Variants in BPIFB1 observed in about 807,000 individuals in gnomAD.
BPIFB1 encodes the protein BPI fold-containing family B member 1.
A neutral mutation model predicts 55.1 loss-of-function variants in BPIFB1; 34 were observed. The observed-to-expected ratio is 0.62, with a 90% CI of 0.47 to 0.82. The LOEUF (loss-of-function observed/expected upper bound fraction) is 0.82. BPIFB1 is among the 40% of genes least tolerant of loss of function. The probability of loss-of-function intolerance (pLI) is 0.00; values close to 1 mark genes in which losing one functional copy is unlikely to be tolerated. For synonymous variants in BPIFB1, 236 were observed against 245.3 expected (o/e 0.96, Z 0.35); for missense variants, 532 against 593.1 (o/e 0.90, Z 1.07).
intron 3 of BPIFB1, among the ~76,000 whole-genome samples, 173 bp from the exon 4 acceptor site, chr20:33,289,712 G>A (rs1424738476): frequency 2.0e-5 from 3 of 152,206 alleles, no homozygotes; most frequent in Non-Finnish European, 4.4e-5. Context: ...AGCATTGTGA[G>A]CAGGAGTGGA....
chr20:33,286,887 C>G (rs1309115276), intron 2 of BPIFB1, among the ~76,000 whole-genome samples: 4 of 152,198 alleles, frequency 2.6e-5, no homozygotes, highest in Non-Finnish European at 4.4e-5. Flanking sequence ...AAAATCATCT[C>G]AGTGGAGAAC....
At chr20:33,290,864 G>C in intron 4 of BPIFB1, 93 bp from the exon 5 acceptor site, 1 of 1,374,376 alleles carries the variant, frequency 7.3e-7, no homozygotes, top group South Asian at 1.3e-5. Flanking sequence ...GACTGAGGAA[G>C]GAGGTGAGGG....
chr20:33,287,965 C>G (rs1002059676), intron 2 of BPIFB1, among the ~76,000 whole-genome samples: 2 of 152,170 alleles, frequency 1.3e-5, no homozygotes, highest in African/African-American at 4.8e-5. Context: ...ATTCACTGGG[C>G]CCAGTTCCAT....
At chr20:33,290,833 TGAG>T (rs1980442105) in intron 4 of BPIFB1, 121 bp from the exon 5 acceptor site, 1 of 1,066,900 alleles carries the variant, frequency 9.4e-7, no homozygotes, top group Admixed American at 2.4e-5. Flanking sequence ...TGGGTGAAGA[TGAG>T]GAGAAACCAG....
intron 4 of BPIFB1, 44 bp from the exon 5 acceptor site, chr20:33,290,913 G>C: frequency 6.2e-7 from 1 of 1,601,230 alleles, no homozygotes; most frequent in Non-Finnish European, 8.5e-7. Flanking sequence ...GCTCCAGCCC[G>C]AGCTTGCCTG....
chr20:33,296,346 G>A (rs1405962385), intron 6 of BPIFB1, among the ~76,000 whole-genome samples: 2 of 152,206 alleles, frequency 1.3e-5, no homozygotes, highest in African/African-American at 4.8e-5. Context: ...AATGCAGCCA[G>A]GAGCAGGGAA....
At chr20:33,292,967 G>C (rs1222101881) in intron 6 of BPIFB1, among the ~76,000 whole-genome samples, 1 of 152,232 alleles carries the variant, frequency 6.6e-6, no homozygotes, top group African/African-American at 2.4e-5. Flanking sequence ...TGTCGCCTAG[G>C]CGGGAGTGCA....
In BPIFB1 at chr20:33,302,915, G is replaced by A. The variant is rs1433168271; in HGVS notation, c.982-1G>A. On this transcript the variant is annotated splice_acceptor_variant, in intron 10 of 15. Coordinates refer to ENST00000253354, the MANE Select transcript of BPIFB1 (RefSeq NM_033197.3). LOFTEE classifies it high-confidence loss of function. The stretch of plus-strand genomic sequence containing the variant: ...CACATGTGGGTCTGATCTCCTTCCA[G>A]GCTGCAGATAAGCTGGGATCTACCC... 1 of 1,613,924 alleles carries A rather than the reference G, an allele frequency of 6.2e-7. No individual in the cohort carries two copies. The highest frequency in any genetic ancestry group is 8.5e-7 in the Non-Finnish European group (1 of 1,179,956).
intron 11 of BPIFB1, 32 bp from the exon 12 acceptor site, chr20:33,303,926 G>A (rs1275694239): frequency 6.2e-7 from 1 of 1,612,256 alleles, no homozygotes; most frequent in Admixed American, 1.7e-5. Flanking sequence ...ATCCTCTTGA[G>A]AACAATGGGG....
chr20:33,302,257 C>A, intron 9 of BPIFB1, 102 bp from the exon 10 acceptor site: 1 of 1,286,806 alleles, frequency 7.8e-7, no homozygotes, highest in Non-Finnish European at 1.1e-6. Flanking sequence ...GCCCACCCAG[C>A]TTTTCTGGGG....
intron 6 of BPIFB1, 84 bp from the exon 7 acceptor site, chr20:33,297,441 A>C (rs1980689464): frequency 6.9e-7 from 1 of 1,443,854 alleles, no homozygotes; most frequent in Admixed American, 1.7e-5. Flanking sequence ...GACACAGGCC[A>C]GGTGGGCTGG....
At chr20:33,298,833 G>GTCAGATAT (rs1980744113) in intron 7 of BPIFB1, 1 of 161,446 alleles carries the variant, frequency 6.2e-6, no homozygotes, top group African/African-American at 2.5e-5. Context: ...TCTTCCAATC[G>GTCAGATAT]TCAGATATTT....
chr20:33,303,894 T>C (rs1980933256), intron 11 of BPIFB1, 64 bp from the exon 12 acceptor site: 1 of 1,544,918 alleles, frequency 6.5e-7, no homozygotes, highest in African/African-American at 1.4e-5. Context: ...CCTCCCTGCA[T>C]AACCCCTAAT....
intron 1 of BPIFB1, among the ~76,000 whole-genome samples, chr20:33,284,614 T>C (rs1980206024): frequency 6.6e-6 from 1 of 152,110 alleles, no homozygotes; most frequent in Admixed American, 6.5e-5. Flanking sequence ...ACATTTGTCT[T>C]TGGCAAAAAG....
intron 7 of BPIFB1, among the ~76,000 whole-genome samples, chr20:33,298,107 C>T (rs1980712440): frequency 1.3e-5 from 2 of 152,104 alleles, no homozygotes; most frequent in Admixed American, 1.3e-4. Context: ...CATGAGCCAT[C>T]ACACGCAGCC....
chr20:33,287,832 G>A (rs1033999717), intron 2 of BPIFB1, among the ~76,000 whole-genome samples: 26 of 152,186 alleles, frequency 1.7e-4, no homozygotes, highest in African/African-American at 6.0e-4. Context: ...AAGCCACTGG[G>A]CAGTGACACC....
chr20:33,289,942 C>T lies in BPIFB1; in HGVS notation c.315C>T (p.Asp105=), dbSNP rs1253194954. The part of the protein sequence containing the change: ...LQLQVKPSAN[D]QELLVKIPLD... Reference sequence around the variant, plus strand: ...TGCAGGTGAAGCCCTCGGCCAATGACCAGGAGCTGCTAGTCAAGATCCCCC... The same window carrying T: ...TGCAGGTGAAGCCCTCGGCCAATGATCAGGAGCTGCTAGTCAAGATCCCCC... Residue 105 remains aspartate, a synonymous_variant, in exon 4 of 16, where the codon GAC becomes GAT. Coordinates refer to ENST00000253354, the MANE Select transcript of BPIFB1 (RefSeq NM_033197.3). 2 of 1,614,186 alleles carry T rather than the reference C, an allele frequency of 1.2e-6. No homozygotes were observed. Among genetic ancestry groups the T allele is most frequent in the Non-Finnish European group, 8.5e-7 (1 of 1,180,036 alleles).
intron 7 of BPIFB1, chr20:33,299,105 T>C (rs1410814796): frequency 2.2e-6 from 1 of 456,466 alleles, no homozygotes; most frequent in African/African-American, 2.0e-5. Context: ...TATACCCTCA[T>C]TTTAAGACGA....
At chr20:33,301,777 G>C (rs1980861902) in intron 9 of BPIFB1, among the ~76,000 whole-genome samples, 1 of 152,178 alleles carries the variant, frequency 6.6e-6, no homozygotes, top group Non-Finnish European at 1.5e-5. Flanking sequence ...GACACTCATG[G>C]CAGACATCAC....
Sources: gnomAD v4.1 joint callset for allele counts (sites outside exome capture counted in the v4.1 genomes callset) on GRCh38, gnomAD v4.1.1 for gene constraint, MANE v1.5 for transcripts, NCBI Gene and HGNC (gene_info 2026-07-23, HGNC 2026-07-21) for gene names.